NUSAP1: variants seen among roughly 807,000 people sequenced by gnomAD.
The protein encoded by NUSAP1 is nucleolar and spindle-associated protein 1.
A neutral mutation model predicts 52.8 loss-of-function variants in NUSAP1; 32 were observed. The observed-to-expected ratio is 0.61, with a 90% CI of 0.46 to 0.81. NUSAP1 has a LOEUF of 0.81. NUSAP1 is among the 40% of genes least tolerant of loss of function. NUSAP1 has a pLI of 0.00. For missense variants in NUSAP1, 499 were observed against 522.3 expected, an observed-to-expected ratio of 0.96 and a Z score of 0.43; for synonymous variants, 195 against 183.1, an observed-to-expected ratio of 1.06 and a Z score of -0.52.
chr15:41,333,576 T>C (rs2048003086), intron 1 of NUSAP1, among the ~76,000 whole-genome samples: 1 of 152,206 alleles, frequency 6.6e-6, no homozygotes, highest in Non-Finnish European at 1.5e-5. Flanking sequence ...ACTGTTGGGT[T>C]GATGGTCTCT....
chr15:41,362,436 G>A (rs1051298542), intron 6 of NUSAP1, among the ~76,000 whole-genome samples: 1 of 53,714 alleles, frequency 1.9e-5, no homozygotes, highest in African/African-American at 7.7e-5. Flanking sequence ...TTTTTTTTTT[G>A]ATACGGAGTC....
chr15:41,342,512 T>C (rs1256134257), intron 2 of NUSAP1, 58 bp downstream of exon 2: 1 of 1,267,198 alleles, frequency 7.9e-7, no homozygotes. Flanking sequence ...ATTTGGTTAA[T>C]GGGCAATTAA....
chr15:41,338,190 G>A (rs995362428), intron 1 of NUSAP1, among the ~76,000 whole-genome samples: 2 of 151,666 alleles, frequency 1.3e-5, no homozygotes, highest in Non-Finnish European at 2.9e-5. Context: ...CTGCCTTGGC[G>A]TCCCAAAGTG....
At chr15:41,374,430 C>T (rs1433505072) in intron 8 of NUSAP1, among the ~76,000 whole-genome samples, 2 of 152,128 alleles carry the variant, frequency 1.3e-5, no homozygotes, top group African/African-American at 4.8e-5. Flanking sequence ...CATTCATGAC[C>T]TATTTACCTC....
chr15:41,340,512 T>A (rs980517111), intron 1 of NUSAP1, among the ~76,000 whole-genome samples: 2 of 151,316 alleles, frequency 1.3e-5, no homozygotes, highest in Non-Finnish European at 2.9e-5. Context: ...GCACAATAAA[T>A]GCTTGTTGAA....
rs756304692 is a variant in NUSAP1, at chr15:41,349,182, G to A, written c.247G>A (p.Gly83Ser). The A allele has an allele frequency of 1.2e-6, 2 of 1,613,896 alleles. No individual in the cohort carries two copies. The highest frequency in any genetic ancestry group is 1.1e-5 in the South Asian group (1 of 91,080). Residue 83 changes from glycine to serine, a missense_variant, in exon 3 of 11, where the codon GGC becomes AGC. Transcript: ENST00000559596. ...GGAAGAAGCTGAGAGACAGCCACTT[G>A]GCCATGTCACCAAAACAAGGAGAAG... The part of the protein sequence containing the change: ...NQEEAERQPL[G>S]HVTKTRRRCK...
At chr15:41,352,093 GC>G (rs1376407095) in intron 4 of NUSAP1, 1 of 151,900 alleles carries the variant, frequency 6.6e-6, no homozygotes, top group African/African-American at 2.4e-5. Context: ...ACAGGCTCGT[GC>G]CACCAGGCCC....
In NUSAP1 at chr15:41,371,556, A is replaced by AT. The variant is rs763102358; in HGVS notation, c.879dup (p.Lys294Ter). On this transcript the variant is annotated frameshift_variant, in exon 8 of 11. Coordinates refer to ENST00000559596, the MANE Select transcript of NUSAP1 (RefSeq NM_016359.5). LOFTEE classifies it high-confidence loss of function. ...TCAGCTGCTACTAAAGATAATGAGCATAAGCGTTCACTGACCAAGACTCCA... is the reference window on the plus strand; with the variant it reads ...TCAGCTGCTACTAAAGATAATGAGCATTAAGCGTTCACTGACCAAGACTCCA... 1.2e-6 allele frequency: 2 copies of AT among 1,608,046 alleles called. No individual in the cohort carries two copies. The highest frequency in any genetic ancestry group is 2.7e-5 in the African/African-American group (2 of 74,284).
intron 4 of NUSAP1, among the ~76,000 whole-genome samples, chr15:41,352,435 C>G (rs758486243): frequency 6.6e-5 from 10 of 152,012 alleles, no homozygotes; most frequent in Admixed American, 3.3e-4. Context: ...GCAGTTAAAT[C>G]TGGAATTTCT....
Position 41,332,896 on chromosome 15 carries a change from T to C in NUSAP1, c.-62T>C. On this transcript the variant is annotated 5_prime_UTR_variant, in exon 1 of 11. Transcript: ENST00000559596. ...AAAGTTAAGAGTGGCGCCAGGGATTTGAACCGCGCTGACGAAGTTTGGTGA... is the reference window on the plus strand; with the variant it reads ...AAAGTTAAGAGTGGCGCCAGGGATTCGAACCGCGCTGACGAAGTTTGGTGA... The C allele has an allele frequency of 7.4e-7, 1 of 1,348,268 alleles. No individual in the cohort carries two copies. The highest frequency in any genetic ancestry group is 1.2e-5 in the South Asian group (1 of 80,768). 83.5% of individuals were successfully genotyped at this position (1,348,268 alleles called of 1,614,324 possible). A position where few individuals can be genotyped will look rare whatever the true frequency, so the allele number is the denominator to read the frequency against.
Position 41,333,040 on chromosome 15 carries a change from C to T in NUSAP1, c.83C>T (p.Ala28Val). The change falls in exon 1 of 11, where the codon GCC becomes GTC. Residue 28 changes from alanine to valine, a missense_variant. By Grantham distance (64) the Ala-to-Val change is moderately conservative (BLOSUM62 0). Coordinates refer to ENST00000559596, the MANE Select transcript of NUSAP1 (RefSeq NM_016359.5). ...TTAGCCAAGAGTCTGGGTCTCCGGG[C>T]CAACCTGAGGGTACGGCGCTGGCGG... ...QNLAKSLGLR[A>V]NLRATKLLKA... 2 of 1,609,546 alleles carry T rather than the reference C, an allele frequency of 1.2e-6. No homozygotes were observed. Among genetic ancestry groups the T allele is most frequent in the Non-Finnish European group, 1.7e-6 (2 of 1,177,898 alleles).
intron 4 of NUSAP1, among the ~76,000 whole-genome samples, chr15:41,355,156 C>T (rs570000344): frequency 1.3e-5 from 2 of 150,060 alleles, no homozygotes; most frequent in South Asian, 4.3e-4. Flanking sequence ...GGCCAACTTT[C>T]TGTATTTTTA....
Position 41,358,235 on chromosome 15 carries a change from C to A in NUSAP1, c.637C>A (p.His213Asn). Residue 213 changes from histidine to asparagine, a missense_variant, in exon 6 of 11, where the codon CAC (histidine) becomes AAC (asparagine). By Grantham distance (68) the His-to-Asn change is moderately conservative. Coordinates refer to ENST00000559596, the MANE Select transcript of NUSAP1 (RefSeq NM_016359.5). ...IERKKKHFEE[H>N]NSMNELKQQP... Reference sequence around the variant, plus strand: ...GAGAAAAAAGAAACATTTTGAAGAACACAATTCCATGAATGAACTGAAGGT... The same window carrying A: ...GAGAAAAAAGAAACATTTTGAAGAAAACAATTCCATGAATGAACTGAAGGT... 6.6e-7 allele frequency: 1 copy of A among 1,518,896 alleles called. No homozygotes were observed. The highest frequency in any genetic ancestry group is 9.1e-7 in the Non-Finnish European group (1 of 1,100,796). 94.1% of individuals were successfully genotyped at this position (1,518,896 alleles called of 1,614,324 possible).
chr15:41,363,211 A>G (rs572117501), intron 6 of NUSAP1, among the ~76,000 whole-genome samples: 2 of 151,044 alleles, frequency 1.3e-5, no homozygotes, highest in East Asian at 3.9e-4. Context: ...GCTTGAACTC[A>G]GGAGGCGGAG....
rs561728123 is a variant in NUSAP1, at chr15:41,334,170, G to A, written c.93+1120G>A. The stretch of plus-strand genomic sequence containing the variant: ...GTCTTGCTCTGTCGCCCAGGCTGGA[G>A]TGCAGTGGCGCCATCTCGGCTCACC... On this transcript the variant is annotated intron_variant, in intron 1 of 10. Coordinates refer to ENST00000559596, the MANE Select transcript of NUSAP1 (RefSeq NM_016359.5). Among the ~76,000 whole-genome samples, 227 of 152,230 alleles carry A rather than the reference G, an allele frequency of 1.5e-3. 1 individual carries two copies. Among genetic ancestry groups the A allele is most frequent in the African/African-American group, 5.3e-3 (220 of 41,562 alleles).
At position 41,349,164 on chromosome 15, in the gene NUSAP1, G is replaced by C. The variant is rs534497250; in HGVS notation, c.229G>C (p.Ala77Pro). Residue 77 changes from alanine to proline, a missense_variant, in exon 3 of 11, where the codon GCT becomes CCT. Physicochemically the swap from Ala to Pro is conservative, Grantham distance 27. Coordinates refer to ENST00000559596, the MANE Select transcript of NUSAP1 (RefSeq NM_016359.5). ...TEIQISNQEE[A>P]ERQPLGHVTK... The stretch of plus-strand genomic sequence containing the variant: ...GATACAGATCAGCAACCAGGAAGAA[G>C]CTGAGAGACAGCCACTTGGCCATGT... 52 of 1,613,834 alleles carry C rather than the reference G, an allele frequency of 3.2e-5. 2 individuals are homozygous for C. The South Asian group carries it at 5.1e-4, about 16-fold the overall frequency.
intron 1 of NUSAP1, among the ~76,000 whole-genome samples, chr15:41,337,862 G>C (rs1249563294): frequency 1.3e-5 from 2 of 150,310 alleles, no homozygotes; most frequent in African/African-American, 2.5e-5. Flanking sequence ...CTTCCTGGTT[G>C]TCTTTTCTCT....
intron 8 of NUSAP1, 135 bp downstream of exon 8, chr15:41,371,819 A>G: frequency 9.9e-7 from 1 of 1,011,898 alleles, no homozygotes; most frequent in South Asian, 1.7e-5. Flanking sequence ...CACCCAGGCT[A>G]GAGTGTAATG....
intron 8 of NUSAP1, among the ~76,000 whole-genome samples, chr15:41,372,043 C>T (rs1468152637): frequency 6.6e-6 from 1 of 152,196 alleles, no homozygotes; most frequent in Non-Finnish European, 1.5e-5. Context: ...GCTGGGATTA[C>T]AAGCGTGAGC....
Sources: allele counts gnomAD v4.1 joint callset (sites outside exome capture counted in the v4.1 genomes callset), GRCh38; gene constraint gnomAD v4.1.1; transcripts MANE v1.5; gene names NCBI Gene and HGNC (gene_info 2026-07-23, HGNC 2026-07-21).